Variants in CA10 observed in about 807,000 individuals in gnomAD.
CA10 encodes the protein carbonic anhydrase 10 (inactive).
Under a neutral mutation model 44.2 loss-of-function variants are expected in CA10, and 14 were observed. The observed-to-expected ratio is 0.32, with a 90% CI of 0.21 to 0.50. The LOEUF (loss-of-function observed/expected upper bound fraction) is 0.50, where lower values mean the gene tolerates loss of function less well. CA10 is among the 20% of genes least tolerant of loss of function. CA10 has a pLI of 0.99. For missense variants in CA10, 350 were observed against 409.7 expected, an observed-to-expected ratio of 0.85 and a Z score of 1.26; for synonymous variants, 159 against 141.6, an observed-to-expected ratio of 1.12 and a Z score of -0.87.
At position 51,715,524 on chromosome 17, in the gene CA10, A is replaced by C. The variant is rs1315861092; in HGVS notation, c.465+32109T>G. On this transcript the variant is annotated intron_variant, in intron 4 of 8. Coordinates refer to ENST00000451037, the MANE Select transcript of CA10 (RefSeq NM_020178.5). ...GGCATGCAATGTGAAATAATCACAA[A>C]ACAGGGAATGAGGTATCCATCCCCT... is the stretch of plus-strand genomic sequence containing the variant. 2.0e-5 allele frequency among the ~76,000 whole-genome samples: 3 copies of C among 152,304 alleles called. No homozygotes were observed. In the East Asian group the frequency reaches 5.8e-4, roughly 29 times the overall value.
intron 4 of CA10, among the ~76,000 whole-genome samples, chr17:51,713,124 C>T (rs758571390): frequency 6.6e-6 from 1 of 152,222 alleles, no homozygotes; most frequent in Non-Finnish European, 1.5e-5. Flanking sequence ...CTTCTTCAAT[C>T]GGGTAACTTC....
chr17:51,903,553 G>C (rs1468915448), intron 3 of CA10, among the ~76,000 whole-genome samples: 1 of 152,126 alleles, frequency 6.6e-6, no homozygotes, highest in Non-Finnish European at 1.5e-5. Flanking sequence ...TAAAACATTA[G>C]ATCCCAACCT....
At chr17:51,753,483 G>A (rs1466589060) in intron 3 of CA10, among the ~76,000 whole-genome samples, 1 of 152,132 alleles carries the variant, frequency 6.6e-6, no homozygotes, top group Non-Finnish European at 1.5e-5. Context: ...TTTAAGGTAG[G>A]AAAAATTTTC....
At chr17:51,787,465 A>T (rs1906334980) in intron 3 of CA10, among the ~76,000 whole-genome samples, 1 of 151,306 alleles carries the variant, frequency 6.6e-6, no homozygotes, top group Non-Finnish European at 1.5e-5. Flanking sequence ...AATTTCACTG[A>T]TATCATGGTT....
At chr17:51,743,773 C>G (rs1174386740) in intron 4 of CA10, among the ~76,000 whole-genome samples, 1 of 152,168 alleles carries the variant, frequency 6.6e-6, no homozygotes, top group East Asian at 1.9e-4. Context: ...TGCTTTCTTG[C>G]TAGAAGTGTC....
At chr17:51,954,978 A>G (rs533110729) in intron 2 of CA10, among the ~76,000 whole-genome samples, 25 of 152,254 alleles carry the variant, frequency 1.6e-4, no homozygotes, top group African/African-American at 5.8e-4. Flanking sequence ...CAAGATTCAC[A>G]AAAGAGATAG....
At chr17:51,800,853 A>G (rs1372496240) in intron 3 of CA10, among the ~76,000 whole-genome samples, 3 of 152,168 alleles carry the variant, frequency 2.0e-5, no homozygotes, top group Non-Finnish European at 4.4e-5. Flanking sequence ...TCTTTCCTAG[A>G]TTAATGGATT....
chr17:51,659,190 G>C (rs1050566845), intron 4 of CA10, among the ~76,000 whole-genome samples: 2 of 152,154 alleles, frequency 1.3e-5, no homozygotes, highest in African/African-American at 4.8e-5. Context: ...TCTATTGCAG[G>C]TATGAATAGA....
intron 2 of CA10, among the ~76,000 whole-genome samples, chr17:52,051,016 CGAAGGAAG>C (rs752001458): frequency 9.1e-6 from 1 of 110,084 alleles, no homozygotes; most frequent in Admixed American, 1.1e-4. Flanking sequence ...AAGGAAGGAA[CGAAGGAAG>C]GAAGGAAGGG....
intron 3 of CA10, among the ~76,000 whole-genome samples, chr17:51,869,178 A>T (rs1979694123): frequency 6.6e-6 from 1 of 152,174 alleles, no homozygotes; most frequent in Non-Finnish European, 1.5e-5. Flanking sequence ...CAAGAAGAAA[A>T]TATTAATAAG....
At chr17:52,143,830 C>A (rs1355603970) in intron 1 of CA10, among the ~76,000 whole-genome samples, 1 of 152,118 alleles carries the variant, frequency 6.6e-6, no homozygotes, top group Non-Finnish European at 1.5e-5. Context: ...ACAAAAAAAC[C>A]AAACACTGGG....
rs111539714 is a variant in CA10, at chr17:51,864,511, T to C, written c.279+66479A>G. The stretch of plus-strand genomic sequence containing the variant: ...CCTTCTCTACTTTCTCCTATTTTCA[T>C]TGAGTTCATCCCACTATCACCATTT... On this transcript the variant is annotated intron_variant, in intron 3 of 8. Coordinates refer to ENST00000451037, the MANE Select transcript of CA10 (RefSeq NM_020178.5). Among the ~76,000 whole-genome samples the C allele has an allele frequency of 3.6e-3, 548 of 152,328 alleles. 3 individuals carry two copies. The highest frequency in any genetic ancestry group is 0.013 in the African/African-American group (536 of 41,570).
intron 2 of CA10, among the ~76,000 whole-genome samples, chr17:52,011,603 TC>T (rs1376204714): frequency 7.9e-5 from 12 of 152,064 alleles, no homozygotes; most frequent in African/African-American, 2.9e-4. Context: ...TGGATTTTTT[TC>T]TTTACTATAT....
At chr17:51,732,733 G>A (rs191289919) in intron 4 of CA10, among the ~76,000 whole-genome samples, 1 of 152,306 alleles carries the variant, frequency 6.6e-6, no homozygotes, top group African/African-American at 2.4e-5. Context: ...TTTGGAGAAT[G>A]TGGAATTGGG....
At chr17:51,864,145 G>C (rs1170692885) in intron 3 of CA10, among the ~76,000 whole-genome samples, 1 of 152,122 alleles carries the variant, frequency 6.6e-6, no homozygotes, top group Admixed American at 6.6e-5. Context: ...AAACTATCAG[G>C]TGTATGTTCC....
chr17:51,847,883 T>C (rs1978567177), intron 3 of CA10, among the ~76,000 whole-genome samples: 1 of 152,204 alleles, frequency 6.6e-6, no homozygotes, highest in South Asian at 2.1e-4. Flanking sequence ...AGCCACCCTA[T>C]CTGTGAAACA....
intron 1 of CA10, among the ~76,000 whole-genome samples, chr17:52,152,605 C>T (rs533265282): frequency 6.6e-6 from 1 of 152,072 alleles, no homozygotes. Flanking sequence ...TATCACAATG[C>T]ATTTTAGCAT....
intron 2 of CA10, among the ~76,000 whole-genome samples, chr17:52,054,477 G>A (rs909293546): frequency 6.6e-6 from 1 of 152,070 alleles, no homozygotes; most frequent in Non-Finnish European, 1.5e-5. Flanking sequence ...GTGGTCCTGT[G>A]ATCTCACCCT....
At chr17:52,080,851 A>G (rs1428819640) in intron 1 of CA10, among the ~76,000 whole-genome samples, 1 of 152,172 alleles carries the variant, frequency 6.6e-6, no homozygotes, top group African/African-American at 2.4e-5. Context: ...TGTAATCCCT[A>G]ACTTCCCTGA....
Sources: allele counts gnomAD v4.1 joint callset (sites outside exome capture counted in the v4.1 genomes callset), GRCh38; gene constraint gnomAD v4.1.1; transcripts MANE v1.5; gene names NCBI Gene and HGNC (gene_info 2026-07-23, HGNC 2026-07-21).